Variants in IL19 observed in about 807,000 individuals in gnomAD.
The protein encoded by IL19 is interleukin 19.
IL19 carries 15 observed loss-of-function variants against 19.5 expected under a neutral mutation model. That is an observed-to-expected ratio of 0.77 (90% CI 0.52 to 1.19). The LOEUF is 1.19. Among genes scored for constraint, IL19 ranks in the 50% most tolerant of loss-of-function variants. The probability of loss-of-function intolerance (pLI) is 0.00; values close to 1 mark genes in which losing one functional copy is unlikely to be tolerated. For synonymous variants in IL19, 78 were observed against 78.3 expected (o/e 1.00, Z 0.02); for missense variants, 199 against 213.1 (o/e 0.93, Z 0.41).
intron 2 of IL19, among the ~76,000 whole-genome samples, chr1:206,827,186 A>G (rs1676459880): frequency 6.6e-6 from 1 of 152,206 alleles, no homozygotes; most frequent in Admixed American, 6.5e-5. Context: ...ATAGAAAATA[A>G]CAGTAAAAAA....
chr1:206,810,689 G>A (rs915812651), intron 2 of IL19, among the ~76,000 whole-genome samples: 9 of 152,146 alleles, frequency 5.9e-5, no homozygotes, highest in African/African-American at 2.2e-4. Flanking sequence ...TAGAGACAAG[G>A]GGACTGCAAA....
At chr1:206,817,304 A>G (rs925990854) in intron 2 of IL19, among the ~76,000 whole-genome samples, 5 of 152,074 alleles carry the variant, frequency 3.3e-5, no homozygotes, top group African/African-American at 4.8e-5. Context: ...CTCAGAATCT[A>G]CCCCCTGAAC....
chr1:206,808,530 T>G (rs1007779919), intron 2 of IL19, among the ~76,000 whole-genome samples: 1 of 151,316 alleles, frequency 6.6e-6, no homozygotes, highest in Non-Finnish European at 1.5e-5. Context: ...TGTGTGCCCA[T>G]GTGCACGCAT....
chr1:206,828,440 G>A (rs998540133), intron 2 of IL19, among the ~76,000 whole-genome samples: 9 of 152,190 alleles, frequency 5.9e-5, no homozygotes, highest in Middle Eastern at 3.2e-3. Flanking sequence ...CTCTCTAATG[G>A]AGTAGTTTCC....
intron 1 of IL19, among the ~76,000 whole-genome samples, chr1:206,790,424 G>A (rs866791116): frequency 1.3e-5 from 2 of 152,118 alleles, no homozygotes; most frequent in East Asian, 1.9e-4. Flanking sequence ...GTCTACTGCA[G>A]GGGAAGGAAA....
intron 4 of IL19, among the ~76,000 whole-genome samples, chr1:206,837,596 T>A (rs1036166362): frequency 6.6e-6 from 1 of 150,466 alleles, no homozygotes; most frequent in Non-Finnish European, 1.5e-5. Flanking sequence ...TGCCTGTAAT[T>A]TCAGCATTTT....
intron 2 of IL19, among the ~76,000 whole-genome samples, chr1:206,822,667 G>A (rs1028906403): frequency 4.6e-5 from 7 of 152,316 alleles, no homozygotes; most frequent in Admixed American, 1.3e-4. Flanking sequence ...ACAGAGCCCA[G>A]GTCTTGACTG....
intron 2 of IL19, among the ~76,000 whole-genome samples, chr1:206,826,336 G>A (rs965839028): frequency 1.3e-5 from 2 of 152,160 alleles, no homozygotes; most frequent in African/African-American, 4.8e-5. Context: ...AGACAACCCA[G>A]GGCAGAAAAT....
At chr1:206,840,585 C>T in intron 5 of IL19, 1 of 210,800 alleles carries the variant, frequency 4.7e-6, no homozygotes, top group Non-Finnish European at 9.7e-6. Context: ...GTTGATGGCC[C>T]CTGTCCTACT....
At chr1:206,813,361 A>G (rs955590905) in intron 2 of IL19, among the ~76,000 whole-genome samples, 5 of 152,052 alleles carry the variant, frequency 3.3e-5, no homozygotes, top group African/African-American at 4.8e-5. Context: ...AAGCTCCTTC[A>G]TCATAACTTT....
rs557211490 is a variant in IL19, at chr1:206,826,203, C to A, written c.-2-10458C>A. 4.6e-5 allele frequency among the ~76,000 whole-genome samples: 7 copies of A among 152,288 alleles called. No individual in the cohort carries two copies. The East Asian group carries it at 1.3e-3, about 29-fold the overall frequency. On this transcript the variant is annotated intron_variant, in intron 2 of 6. Coordinates refer to ENST00000659997, the MANE Select transcript of IL19 (RefSeq NM_153758.5). ...GAGAGGGATTCCTAGAGGAATTGTA[C>A]CTTGCTTTGAATTTTAGCCCTAAGC...
At chr1:206,780,053 C>T (rs899212555) in intron 1 of IL19, among the ~76,000 whole-genome samples, 124 of 150,410 alleles carry the variant, frequency 8.2e-4, no homozygotes, top group Non-Finnish European at 1.6e-3. Flanking sequence ...CTGCTCTCCT[C>T]CTGTCTTCAT....
At chr1:206,828,533 C>T (rs12118101) in intron 2 of IL19, among the ~76,000 whole-genome samples, 3,215 of 152,218 alleles carry the variant, frequency 0.021, 62 homozygotes, top group Middle Eastern at 0.037. Context: ...GATTGGGATC[C>T]TCTTTTCTGG....
intron 2 of IL19, among the ~76,000 whole-genome samples, chr1:206,816,811 T>G (rs1676169673): frequency 6.6e-6 from 1 of 152,044 alleles, no homozygotes; most frequent in Admixed American, 6.5e-5. Flanking sequence ...AAAACACAAA[T>G]AGGTTAACAG....
At chr1:206,840,097 T>C in intron 5 of IL19, 95 bp downstream of exon 5, 9 of 1,385,012 alleles carry the variant, frequency 6.5e-6, no homozygotes, top group Non-Finnish European at 8.2e-6. Context: ...GATATGGTGC[T>C]TGGAGTCAAA....
At chr1:206,842,501 G>A (rs1558625376) in intron 6 of IL19, 26 bp from the exon 7 acceptor site, 2 of 1,403,902 alleles carry the variant, frequency 1.4e-6, no homozygotes, top group Admixed American at 2.0e-5. Flanking sequence ...AGAAAGGTGG[G>A]TTCTTACATT....
At chr1:206,833,670 C>A in intron 2 of IL19, 4 of 985,514 alleles carry the variant, frequency 4.1e-6, no homozygotes, top group Non-Finnish European at 4.8e-6. Context: ...GATTTCAGGT[C>A]CTGGCTCTGC....
At chr1:206,824,900 G>A (rs1231054630) in intron 2 of IL19, among the ~76,000 whole-genome samples, 6 of 152,102 alleles carry the variant, frequency 3.9e-5, no homozygotes, top group Admixed American at 6.5e-5. Context: ...GATTACAGGC[G>A]CCCATCACCA....
At chr1:206,794,964 G>A (rs1675487425) in intron 1 of IL19, among the ~76,000 whole-genome samples, 1 of 152,184 alleles carries the variant, frequency 6.6e-6, no homozygotes, top group Non-Finnish European at 1.5e-5. Context: ...GGCAGGATGT[G>A]GGGTCCCAAA....
Sources: allele counts gnomAD v4.1 joint callset (sites outside exome capture counted in the v4.1 genomes callset), GRCh38; gene constraint gnomAD v4.1.1; transcripts MANE v1.5; gene names NCBI Gene and HGNC (gene_info 2026-07-23, HGNC 2026-07-21).